Variants in CNTNAP5 observed in about 807,000 individuals in gnomAD.
CNTNAP5 encodes contactin-associated protein-like 5.
A neutral mutation model predicts 150.2 loss-of-function variants in CNTNAP5; 72 were observed. The ratio of observed to expected loss-of-function variants is 0.48; its 90% CI spans 0.40 to 0.58. The LOEUF (loss-of-function observed/expected upper bound fraction) is 0.58. CNTNAP5 is among the 20% of genes least tolerant of loss of function. CNTNAP5 has a pLI of 0.00. For missense variants in CNTNAP5, 1,636 were observed against 1,626.2 expected (o/e 1.01, Z -0.10); for synonymous variants, 672 against 619.8 (o/e 1.08, Z -1.25).
At chr2:124,695,975 T>C (rs1050883122) in intron 13 of CNTNAP5, among the ~76,000 whole-genome samples, 2 of 152,162 alleles carry the variant, frequency 1.3e-5, no homozygotes, top group Non-Finnish European at 2.9e-5. Flanking sequence ...TGTGAAGTAA[T>C]TTTCTCAAAA....
At chr2:124,643,393 C>T (rs998223771) in intron 12 of CNTNAP5, among the ~76,000 whole-genome samples, 10 of 152,072 alleles carry the variant, frequency 6.6e-5, no homozygotes, top group African/African-American at 2.4e-4. Context: ...AGGTTTCTGG[C>T]TCCATGAGTA....
chr2:124,882,346 G>C lies in CNTNAP5; in HGVS notation c.3436+12584G>C, dbSNP rs79556189. ...ACCAGGTGTGCTGAGATGACAGGAG[G>C]GGGGTGTGGGATTGTTTATTCCCTT... On this transcript the variant is annotated intron_variant, in intron 21 of 23. Transcript: ENST00000682447. Among the ~76,000 whole-genome samples the C allele has an allele frequency of 5.5e-3, 833 of 152,216 alleles. 7 individuals are homozygous for C. Among genetic ancestry groups the C allele is most frequent in the Admixed American group, 0.011 (168 of 15,282 alleles).
chr2:124,480,745 G>A (rs1303186528), intron 7 of CNTNAP5, among the ~76,000 whole-genome samples: 1 of 152,148 alleles, frequency 6.6e-6, no homozygotes, highest in Non-Finnish European at 1.5e-5. Flanking sequence ...CTAACATATT[G>A]TGTCTTTTCT....
At chr2:124,565,701 G>A (rs557580963) in intron 11 of CNTNAP5, among the ~76,000 whole-genome samples, 9 of 142,974 alleles carry the variant, frequency 6.3e-5, no homozygotes, top group African/African-American at 1.0e-4. Context: ...CCAGGTTCAC[G>A]CCATTCTCCT....
intron 11 of CNTNAP5, among the ~76,000 whole-genome samples, chr2:124,585,061 A>G (rs530321958): frequency 6.6e-6 from 1 of 152,286 alleles, no homozygotes; most frequent in East Asian, 1.9e-4. Context: ...AAGTTTAGGG[A>G]GCAAGCATGT....
chr2:124,403,047 T>A (rs1278052924), intron 3 of CNTNAP5, among the ~76,000 whole-genome samples: 1 of 152,230 alleles, frequency 6.6e-6, no homozygotes, highest in African/African-American at 2.4e-5. Flanking sequence ...ATTAAATGTA[T>A]CTTCTTAAAT....
chr2:124,201,636 T>C (rs886702363), intron 1 of CNTNAP5, among the ~76,000 whole-genome samples: 6 of 152,240 alleles, frequency 3.9e-5, no homozygotes, highest in Non-Finnish European at 7.3e-5. Context: ...AGAATCACAG[T>C]ATAGTTGGAG....
chr2:124,340,126 T>G (rs770047043), intron 3 of CNTNAP5, among the ~76,000 whole-genome samples: 12 of 152,160 alleles, frequency 7.9e-5, no homozygotes, highest in Non-Finnish European at 1.8e-4. Context: ...CCTTTCATTA[T>G]TTTTACAAAG....
At chr2:124,224,988 T>C (rs749144720) in intron 2 of CNTNAP5, among the ~76,000 whole-genome samples, 2 of 152,110 alleles carry the variant, frequency 1.3e-5, no homozygotes, top group Non-Finnish European at 2.9e-5. Context: ...TCTTTTGTTT[T>C]ACAAAGAAAA....
rs116061194 is a variant in CNTNAP5 at position 124,644,382 on chromosome 2, C to T, written c.1877-3376C>T. Among the ~76,000 whole-genome samples the T allele has an allele frequency of 6.6e-3, 1,003 of 151,996 alleles. 14 individuals carry two copies. Among genetic ancestry groups the T allele is most frequent in the African/African-American group, 0.023 (968 of 41,468 alleles). ...CAGCTGAGGAAGAAAAGATAGGAAG[C>T]GAGGAAAAATATTATGGCAATAATA... On this transcript the variant is annotated intron_variant, in intron 12 of 23. Coordinates refer to ENST00000682447, the MANE Select transcript of CNTNAP5 (RefSeq NM_001367498.1).
intron 17 of CNTNAP5, among the ~76,000 whole-genome samples, chr2:124,786,052 T>C (rs1172205880): frequency 2.0e-5 from 3 of 151,894 alleles, no homozygotes; most frequent in Admixed American, 6.6e-5. Context: ...CTGGGCAACA[T>C]AGTAAGACCT....
chr2:124,534,894 C>G (rs1315667152), intron 10 of CNTNAP5, among the ~76,000 whole-genome samples: 1 of 152,048 alleles, frequency 6.6e-6, no homozygotes, highest in Non-Finnish European at 1.5e-5. Context: ...ACTAAGAATG[C>G]CTAATCTCTT....
At chr2:124,666,650 T>G (rs1469284294) in intron 13 of CNTNAP5, among the ~76,000 whole-genome samples, 2 of 152,064 alleles carry the variant, frequency 1.3e-5, no homozygotes, top group Non-Finnish European at 2.9e-5. Context: ...TCTTAGGGTT[T>G]TATTTTTGTT....
In CNTNAP5 at chr2:124,544,251, A is replaced by G. The variant is rs187984819; in HGVS notation, c.1649+16795A>G. 3.3e-5 allele frequency among the ~76,000 whole-genome samples: 5 copies of G among 152,154 alleles called. No homozygotes were observed. The East Asian group carries it at 9.6e-4, about 29-fold the overall frequency. On this transcript the variant is annotated intron_variant, in intron 10 of 23. Coordinates refer to ENST00000682447, the MANE Select transcript of CNTNAP5 (RefSeq NM_001367498.1). ...TGGACTAAGGCTAATGTTTCTAAAG[A>G]AAAAAAATGTGTCAAATAAAAGTAG...
chr2:124,695,850 C>T (rs1447066191), intron 13 of CNTNAP5, among the ~76,000 whole-genome samples: 2 of 152,066 alleles, frequency 1.3e-5, no homozygotes, highest in African/African-American at 2.4e-5. Flanking sequence ...GAAGAGTGCT[C>T]GGCACCTGTC....
At chr2:124,153,666 G>A (rs1233626128) in intron 1 of CNTNAP5, among the ~76,000 whole-genome samples, 3 of 140,290 alleles carry the variant, frequency 2.1e-5, no homozygotes, top group Non-Finnish European at 4.5e-5. Context: ...CTGGAGTACA[G>A]TGGTGTGATC....
At chr2:124,832,562 C>G (rs1270142351) in intron 19 of CNTNAP5, among the ~76,000 whole-genome samples, 1 of 152,004 alleles carries the variant, frequency 6.6e-6, no homozygotes, top group East Asian at 1.9e-4. Flanking sequence ...GGCTGTGGAC[C>G]AAAATTTTGG....
intron 1 of CNTNAP5, among the ~76,000 whole-genome samples, chr2:124,210,456 G>A (rs140309347): frequency 1.2e-4 from 18 of 152,150 alleles, no homozygotes; most frequent in African/African-American, 4.1e-4. Flanking sequence ...TCCTTTTTGT[G>A]CACCAGGTCA....
chr2:124,484,991 G>A (rs57475073), intron 7 of CNTNAP5, among the ~76,000 whole-genome samples: 6,087 of 152,210 alleles, frequency 0.04, 143 homozygotes, highest in Non-Finnish European at 0.042. Flanking sequence ...AGTAAGTAGG[G>A]ACCGGACACT....
Sources: allele counts gnomAD v4.1 joint callset (sites outside exome capture counted in the v4.1 genomes callset), GRCh38; gene constraint gnomAD v4.1.1; transcripts MANE v1.5; gene names NCBI Gene and HGNC (gene_info 2026-07-23, HGNC 2026-07-21).